Variants in CACNB2 observed in about 807,000 individuals in gnomAD.
The protein encoded by CACNB2 is calcium voltage-gated channel auxiliary subunit beta 2.
In CACNB2, 42 loss-of-function variants were observed where a neutral mutation model predicts 73.3. That is an observed-to-expected ratio of 0.57 (90% CI 0.45 to 0.74). CACNB2 has a LOEUF of 0.74. Ranked by LOEUF, CACNB2 falls within the 30% of genes least tolerant of loss-of-function variation. The pLI, the probability that CACNB2 is intolerant of heterozygous loss-of-function variation, is 0.00. For synonymous variants in CACNB2, 348 were observed against 310.3 expected (o/e 1.12, Z -1.28); for missense variants, 940 against 853.0 (o/e 1.10, Z -1.27).
intron 5 of CACNB2, among the ~76,000 whole-genome samples, chr10:18,505,790 C>T (rs1044679159): frequency 6.6e-6 from 1 of 152,188 alleles, no homozygotes; most frequent in Non-Finnish European, 1.5e-5. Flanking sequence ...TGCAGTATAT[C>T]ATATCAAACT....
chr10:18,315,449 C>T (rs1382958748), intron 2 of CACNB2, among the ~76,000 whole-genome samples: 1 of 136,802 alleles, frequency 7.3e-6, no homozygotes, highest in Admixed American at 8.4e-5. Context: ...TTGCTTGAGC[C>T]CAGGAGTTTG....
intron 2 of CACNB2, among the ~76,000 whole-genome samples, chr10:18,241,086 C>T (rs762039328): frequency 2.0e-5 from 3 of 152,282 alleles, no homozygotes; most frequent in Non-Finnish European, 4.4e-5. Flanking sequence ...CAAAAACATG[C>T]AACCATTTGT....
intron 2 of CACNB2, among the ~76,000 whole-genome samples, chr10:18,254,498 C>T (rs1378647524): frequency 6.6e-6 from 1 of 151,764 alleles, no homozygotes; most frequent in Admixed American, 6.6e-5. Context: ...CAAATGTTGC[C>T]ACTCTCATTA....
In CACNB2 at chr10:18,317,906, A is replaced by T. The variant is rs1433470201; in HGVS notation, c.214-84018A>T. ...TAAAAGAATCTATTTTAACCTAGGA[A>T]TACAGCTTACAAGGGACCTGAAGTA... On this transcript the variant is annotated intron_variant, in intron 2 of 13. Coordinates refer to ENST00000324631, the MANE Select transcript of CACNB2 (RefSeq NM_201596.3). Among the ~76,000 whole-genome samples, 5 of 152,172 alleles carry T rather than the reference A, an allele frequency of 3.3e-5. No individual in the cohort carries two copies. The South Asian group carries it at 6.2e-4, about 19-fold the overall frequency.
At chr10:18,369,298 G>T (rs2042480514) in intron 2 of CACNB2, among the ~76,000 whole-genome samples, 1 of 151,998 alleles carries the variant, frequency 6.6e-6, no homozygotes, top group Non-Finnish European at 1.5e-5. Flanking sequence ...AATATTGTTT[G>T]TGCTACTAAT....
intron 2 of CACNB2, among the ~76,000 whole-genome samples, chr10:18,307,517 C>A (rs750958419): frequency 9.9e-5 from 15 of 152,092 alleles, no homozygotes; most frequent in Non-Finnish European, 2.1e-4. Context: ...TTATATGTAA[C>A]AATTGTTTGT....
intron 3 of CACNB2, among the ~76,000 whole-genome samples, chr10:18,404,368 A>G (rs1213063681): frequency 1.3e-5 from 2 of 152,180 alleles, no homozygotes; most frequent in Non-Finnish European, 2.9e-5. Flanking sequence ...AGTTCCCTCT[A>G]TAAATTTTTA....
At chr10:18,326,605 C>G (rs762584791) in intron 2 of CACNB2, among the ~76,000 whole-genome samples, 1 of 152,334 alleles carries the variant, frequency 6.6e-6, no homozygotes, top group Middle Eastern at 3.4e-3. Context: ...GCACAGCTCA[C>G]TTGGAAGAAG....
intron 2 of CACNB2, among the ~76,000 whole-genome samples, chr10:18,398,469 A>AT (rs2043821760): frequency 6.6e-6 from 1 of 152,048 alleles, no homozygotes; most frequent in Non-Finnish European, 1.5e-5. Flanking sequence ...GTTTGAGACC[A>AT]GCCAGCCTGG....
intron 3 of CACNB2, among the ~76,000 whole-genome samples, chr10:18,485,196 A>C (rs1242669184): frequency 3.3e-5 from 5 of 152,222 alleles, no homozygotes; most frequent in South Asian, 2.1e-4. Context: ...GCCCATATAT[A>C]AAGAATAAAA....
chr10:18,464,315 A>T (rs1204605131), intron 3 of CACNB2, among the ~76,000 whole-genome samples: 1 of 149,952 alleles, frequency 6.7e-6, no homozygotes, highest in African/African-American at 2.5e-5. Flanking sequence ...GGAGGCTGAC[A>T]TGGGAGGATC....
In CACNB2 at chr10:18,459,442, A is replaced by G. The variant is rs1589420129; in HGVS notation, c.334-38913A>G. Among the ~76,000 whole-genome samples the G allele has an allele frequency of 2.6e-5, 4 of 152,312 alleles. No homozygotes were observed. The South Asian group carries it at 8.3e-4, about 32-fold the overall frequency. On this transcript the variant is annotated intron_variant, in intron 3 of 13. Transcript: ENST00000324631. ...TCATGGGGCTGACCGCCACCACACC[A>G]CAAATCACCTCAATGCTGGGAATAC...
At chr10:18,269,843 T>A (rs2037973630) in intron 2 of CACNB2, among the ~76,000 whole-genome samples, 1 of 152,200 alleles carries the variant, frequency 6.6e-6, no homozygotes, top group Admixed American at 6.5e-5. Flanking sequence ...ATACTCTCCA[T>A]TGTCCAAGCC....
At position 18,510,241 on chromosome 10, in the gene CACNB2, G is replaced by C. The variant is rs549057421; in HGVS notation, c.670+3694G>C. Among the ~76,000 whole-genome samples the C allele has an allele frequency of 2.6e-5, 4 of 152,278 alleles. No individual in the cohort carries two copies. The South Asian group carries it at 8.3e-4, about 32-fold the overall frequency. On this transcript the variant is annotated intron_variant, in intron 6 of 13. Coordinates refer to ENST00000324631, the MANE Select transcript of CACNB2 (RefSeq NM_201596.3). Reference sequence around the variant, plus strand: ...CAGGTAAATTTCAAACCTGACTCAGGCTATGTGTGTGGAAAGCCAAACACC... The same window carrying C: ...CAGGTAAATTTCAAACCTGACTCAGCCTATGTGTGTGGAAAGCCAAACACC...
chr10:18,394,602 G>C (rs575676170), intron 2 of CACNB2, among the ~76,000 whole-genome samples: 1 of 152,198 alleles, frequency 6.6e-6, no homozygotes, highest in African/African-American at 2.4e-5. Flanking sequence ...CTTGCATTTG[G>C]CTATGCAATG....
At position 18,505,077 on chromosome 10, in the gene CACNB2, C is replaced by G. The variant is rs187957326; in HGVS notation, c.594-1394C>G. Among the ~76,000 whole-genome samples the G allele has an allele frequency of 2.1e-3, 316 of 152,292 alleles. 2 individuals carry two copies. The highest frequency in any genetic ancestry group is 7.2e-3 in the African/African-American group (301 of 41,572). On this transcript the variant is annotated intron_variant, in intron 5 of 13. Transcript: ENST00000324631. ...ATGGAATTGGGGTACCGTTCAAGAA[C>G]TTGGCATTTTAATAGAATTAAAAGT...
intron 2 of CACNB2, among the ~76,000 whole-genome samples, chr10:18,260,149 T>G (rs2037472423): frequency 6.6e-6 from 1 of 152,178 alleles, no homozygotes; most frequent in Admixed American, 6.5e-5. Flanking sequence ...CAGCTGAATC[T>G]CCACATGTCT....
At chr10:18,365,745 A>G (rs2042319550) in intron 2 of CACNB2, among the ~76,000 whole-genome samples, 1 of 152,224 alleles carries the variant, frequency 6.6e-6, no homozygotes. Context: ...GAATGTTGAA[A>G]AAGAGAGCCT....
At position 18,489,370 on chromosome 10, in the gene CACNB2, A is replaced by G. The variant is rs2049271469; in HGVS notation, c.334-8985A>G. Among the ~76,000 whole-genome samples the G allele has an allele frequency of 4.1e-5, 6 of 147,486 alleles. No individual in the cohort carries two copies. The South Asian group carries it at 1.4e-3, about 34-fold the overall frequency. ...TAACCATTGCACCCTAGCCTGGGCA[A>G]CAAGAGTGAAACTCCATCTCAAAAA... On this transcript the variant is annotated intron_variant, in intron 3 of 13. Coordinates refer to ENST00000324631, the MANE Select transcript of CACNB2 (RefSeq NM_201596.3).
Sources: allele counts gnomAD v4.1 joint callset (sites outside exome capture counted in the v4.1 genomes callset), GRCh38; gene constraint gnomAD v4.1.1; transcripts MANE v1.5; gene names NCBI Gene and HGNC (gene_info 2026-07-23, HGNC 2026-07-21).